Variants in CLGN observed in about 807,000 individuals in gnomAD.
CLGN encodes the protein calmegin, also known as testis tissue sperm-binding protein Li 79P.
Under a neutral mutation model 79.1 loss-of-function variants are expected in CLGN, and 62 were observed. The observed-to-expected ratio is 0.78, with a 90% CI of 0.64 to 0.97. CLGN has a LOEUF of 0.97. Among genes scored for constraint, CLGN ranks in the 50% least tolerant of loss-of-function variants. The probability of loss-of-function intolerance (pLI) is 0.00; values close to 1 mark genes in which losing one functional copy is unlikely to be tolerated. For missense variants in CLGN, 647 were observed against 715.5 expected (o/e 0.90, Z 1.09); for synonymous variants, 225 against 224.7 (o/e 1.00, Z -0.01).
In CLGN at chr4:140,390,626, A is replaced by G. The variant is rs759251938; in HGVS notation, c.1752+2T>C. On this transcript the variant is annotated splice_donor_variant, in intron 14 of 14. Transcript: ENST00000325617. LOFTEE classifies it high-confidence loss of function. ...CATAGAAACCAGCTTATTTTCTGTT[A>G]CCTCATCCTCTGACCCAGACTTATT... 6.3e-7 allele frequency: 1 copy of G among 1,576,600 alleles called. No homozygotes were observed. Among genetic ancestry groups the G allele is most frequent in the Non-Finnish European group, 8.6e-7 (1 of 1,159,492 alleles).
intron 8 of CLGN, among the ~76,000 whole-genome samples, chr4:140,397,478 C>A (rs571501961): frequency 3.3e-4 from 49 of 150,540 alleles, no homozygotes; most frequent in Non-Finnish European, 5.9e-4. Context: ...TTGCAATATA[C>A]AAATCATTTA....
chr4:140,397,431 G>A (rs550000484), intron 8 of CLGN, among the ~76,000 whole-genome samples: 67 of 149,522 alleles, frequency 4.5e-4, no homozygotes, highest in Non-Finnish European at 6.5e-4. Context: ...CCTGGTTCTT[G>A]TGTGTTTTTT....
At chr4:140,398,618 C>T (rs1238206362) in intron 8 of CLGN, among the ~76,000 whole-genome samples, 1 of 150,942 alleles carries the variant, frequency 6.6e-6, no homozygotes, top group Admixed American at 6.6e-5. Flanking sequence ...GCATTGAAAA[C>T]ATAAAAAATA....
rs374544072 is a variant in CLGN, at chr4:140,389,249, C to T, written c.1808G>A (p.Arg603His). The change falls in exon 15 of 15, where the codon CGC becomes CAC. Residue 603 changes from arginine (R) to histidine (H), a missense_variant. By Grantham distance (29) the Arg-to-His change is conservative. Transcript: ENST00000325617. The stretch of plus-strand genomic sequence containing the variant: ...TTAGTCCTTTCGTACTCTTCTTTTG[C>T]GTACTGACTTTATCGGCCCATCTCC... ...GSGDGPIKSV[R>H]KRRVRKD The T allele has an allele frequency of 9.2e-5, 149 of 1,612,032 alleles. 1 individual carries two copies. Among genetic ancestry groups the T allele is most frequent in the Admixed American group, 1.7e-4 (10 of 59,926 alleles).
intron 1 of CLGN, among the ~76,000 whole-genome samples, chr4:140,413,664 C>T (rs142305220): frequency 0.018 from 2,778 of 152,318 alleles, 91 homozygotes; most frequent in African/African-American, 0.063. Context: ...TAAAAAACGG[C>T]GCACCACGAG....
In CLGN at chr4:140,395,922, G is replaced by A. The variant is rs770710802; in HGVS notation, c.1046C>T (p.Pro349Leu). ...GEWEAPQILNPACRIGCGEWK... is the reference protein window; with the variant it reads ...GEWEAPQILNLACRIGCGEWK... The stretch of plus-strand genomic sequence containing the variant: ...CTCACCACACCCAATCCGACATGCT[G>A]GATTAAGAATCTGAGGTGCCTCCCA... Residue 349 changes from proline to leucine, a missense_variant, in exon 10 of 15, where the codon CCA (proline) becomes CTA (leucine). By Grantham distance (98) the Pro-to-Leu change is moderately conservative (BLOSUM62 -3). Transcript: ENST00000325617. The A allele has an allele frequency of 1.2e-6, 2 of 1,604,450 alleles. No individual in the cohort carries two copies. Among genetic ancestry groups the A allele is most frequent in the Admixed American group, 3.5e-5 (2 of 57,876 alleles).
At chr4:140,404,284 A>T (rs7683809) in intron 5 of CLGN, among the ~76,000 whole-genome samples, 4 of 151,812 alleles carry the variant, frequency 2.6e-5, no homozygotes, top group African/African-American at 7.3e-5. Flanking sequence ...TAGTAGAGAC[A>T]GGGTTTCACC....
chr4:140,393,157 C>T (rs1402135958), intron 11 of CLGN, among the ~76,000 whole-genome samples: 1 of 151,990 alleles, frequency 6.6e-6, no homozygotes, highest in East Asian at 1.9e-4. Flanking sequence ...ATAAGACCCT[C>T]AGTAAGGATA....
intron 2 of CLGN, among the ~76,000 whole-genome samples, chr4:140,412,688 G>A (rs1376553524): frequency 6.6e-6 from 1 of 152,038 alleles, no homozygotes; most frequent in Non-Finnish European, 1.5e-5. Context: ...ACAAACTCCT[G>A]TTTTGATAGT....
chr4:140,425,697 C>T (rs1430880283), intron 1 of CLGN, among the ~76,000 whole-genome samples: 1 of 140,772 alleles, frequency 7.1e-6, no homozygotes, highest in Non-Finnish European at 1.5e-5. Flanking sequence ...GGCACAATCT[C>T]GGCTCACTGC....
At position 140,412,950 on chromosome 4, in the gene CLGN, A is replaced by G. The variant is rs779997811; in HGVS notation, c.129T>C (p.Ser43=). The G allele has an allele frequency of 3.8e-5, 62 of 1,613,224 alleles. No individual in the cohort carries two copies. The highest frequency in any genetic ancestry group is 3.0e-4 in the South Asian group (27 of 91,018). The change falls in exon 2 of 15, where the codon AGT becomes AGC. Residue 43 remains serine (S), a synonymous_variant. Transcript: ENST00000325617. ...ENSEEIDVNE[S]ELSSEIKYKT... The stretch of plus-strand genomic sequence containing the variant: ...ATAACCATACCTCTGAGGAAAGTTC[A>G]CTTTCATTAACATCAATTTCTTCTG...
At chr4:140,410,456 A>G (rs1467324579) in intron 3 of CLGN, 97 bp downstream of exon 3, 2 of 772,242 alleles carry the variant, frequency 2.6e-6, no homozygotes, top group East Asian at 2.5e-5. Flanking sequence ...AAAATTTTTT[A>G]TAGATCTGTA....
intron 12 of CLGN, 100 bp downstream of exon 12, chr4:140,392,486 G>C: frequency 6.7e-7 from 1 of 1,481,744 alleles, no homozygotes; most frequent in South Asian, 1.4e-5. Context: ...AAACTTATGA[G>C]ACATTTAGTT....
At chr4:140,419,242 T>A in intron 1 of CLGN, among the ~76,000 whole-genome samples, 1 of 152,146 alleles carries the variant, frequency 6.6e-6, no homozygotes, top group East Asian at 1.9e-4. Flanking sequence ...TTGGGAGTTA[T>A]ACCTAATGCT....
rs997135420 is a variant in CLGN at position 140,392,319 on chromosome 4, T to C, written c.1551A>G (p.Gly517=). 21 of 1,613,416 alleles carry C rather than the reference T, an allele frequency of 1.3e-5. No individual in the cohort carries two copies. Among genetic ancestry groups the C allele is most frequent in the Admixed American group, 1.7e-5 (1 of 59,990 alleles). ...CTTCCTTTTCTTCTTGCTCTAGTAC[T>C]CCTTTTGTTTGTGGTATACATATGT... is the stretch of plus-strand genomic sequence containing the variant. ...KTDICIPQTK[G]VLEQEEKEEK... Residue 517 remains glycine, a synonymous_variant, in exon 13 of 15, where the codon GGA becomes GGG. Transcript: ENST00000325617.
intron 5 of CLGN, among the ~76,000 whole-genome samples, chr4:140,402,500 G>A (rs1370250134): frequency 6.6e-6 from 1 of 152,028 alleles, no homozygotes; most frequent in Admixed American, 6.5e-5. Flanking sequence ...AATGATCTTA[G>A]ATACCTAGAG....
intron 7 of CLGN, 109 bp from the exon 8 acceptor site, chr4:140,399,149 CAACCAGAAATAGAGGAAT>C (rs1450530533): frequency 2.7e-5 from 22 of 828,806 alleles, no homozygotes; most frequent in Non-Finnish European, 3.9e-5. Context: ...GCTTTTTTCC[CAACCAGAAATAGAGGAAT>C]AACCAATGTA....
At chr4:140,390,488 T>C in intron 14 of CLGN, 140 bp downstream of exon 14, 1 of 463,714 alleles carries the variant, frequency 2.2e-6, no homozygotes, top group Non-Finnish European at 3.8e-6. Flanking sequence ...TATGGATATG[T>C]TTTAAAAACA....
At chr4:140,395,421 C>T (rs1202572886) in intron 10 of CLGN, among the ~76,000 whole-genome samples, 1 of 152,166 alleles carries the variant, frequency 6.6e-6, no homozygotes, top group Non-Finnish European at 1.5e-5. Flanking sequence ...GCTGGGATTA[C>T]AGGCATGAGC....
Sources: gnomAD v4.1 joint callset for allele counts (sites outside exome capture counted in the v4.1 genomes callset) on GRCh38, gnomAD v4.1.1 for gene constraint, MANE v1.5 for transcripts, NCBI Gene and HGNC (gene_info 2026-07-23, HGNC 2026-07-21) for gene names.